Variants in RGMA observed in about 807,000 individuals in gnomAD.
RGMA encodes the protein repulsive guidance molecule BMP co-receptor a, also known as repulsive guidance molecule A.
RGMA carries 10 observed loss-of-function variants against 23.2 expected under a neutral mutation model. That is an observed-to-expected ratio of 0.43 (90% CI 0.27 to 0.73). The LOEUF is 0.73. Ranked by LOEUF, RGMA falls within the 30% of genes least tolerant of loss-of-function variation. RGMA has a pLI of 0.20. For missense variants in RGMA, 547 were observed against 630.5 expected, an observed-to-expected ratio of 0.87 and a Z score of 1.42; for synonymous variants, 308 against 279.3, an observed-to-expected ratio of 1.10 and a Z score of -1.03.
Position 93,044,581 on chromosome 15 carries a change from C to T in RGMA, c.*417G>A, listed in dbSNP as rs534561115. The T allele has an allele frequency of 3.7e-4, 92 of 248,442 alleles. No homozygotes were observed. Among genetic ancestry groups the T allele is most frequent in the East Asian group, 6.0e-4 (6 of 9,944 alleles). 15.4% of individuals were successfully genotyped at this position (248,442 alleles called of 1,614,324 possible). A position where few individuals can be genotyped will look rare whatever the true frequency, so the allele number is the denominator to read the frequency against. On this transcript the variant is annotated 3_prime_UTR_variant, in exon 4 of 4. Transcript: ENST00000329082. ...GCTCTCGTGTAAGAGTGTGTGCGTGCGTGTGGCGGGCACAGGGGGCCCCAC... is the reference window on the plus strand; with the variant it reads ...GCTCTCGTGTAAGAGTGTGTGCGTGTGTGTGGCGGGCACAGGGGGCCCCAC...
chr15:93,052,729 G>T (rs550761417), intron 2 of RGMA, among the ~76,000 whole-genome samples: 30 of 150,840 alleles, frequency 2.0e-4, no homozygotes, highest in African/African-American at 7.2e-4. Flanking sequence ...CCAGCAGGCT[G>T]AAAGGGCTAG....
At position 93,073,606 on chromosome 15, in the gene RGMA, CT is replaced by C; in HGVS notation, c.15-576del. 2.6e-6 allele frequency: 4 copies of C among 1,536,892 alleles called. 1 individual carries two copies. In the South Asian group the frequency reaches 3.6e-5, roughly 14 times the overall value. On this transcript the variant is annotated intron_variant, in intron 1 of 3. Transcript: ENST00000329082. The stretch of plus-strand genomic sequence containing the variant: ...GACCCCAAGCTTCCACCGACGCCCC[CT>C]GGCTCATCAGTCGCACTCAGACGCG...
intron 1 of RGMA, among the ~76,000 whole-genome samples, chr15:93,084,476 T>G (rs1895606647): frequency 1.3e-5 from 2 of 151,882 alleles, no homozygotes; most frequent in Admixed American, 1.3e-4. Context: ...GTTTTTTTGT[T>G]TTTTGTTTTT....
intron 2 of RGMA, among the ~76,000 whole-genome samples, chr15:93,054,588 T>A (rs2054983133): frequency 6.6e-6 from 1 of 152,222 alleles, no homozygotes; most frequent in Non-Finnish European, 1.5e-5. Context: ...CTTTGCCTTC[T>A]GTCATGATTG....
chr15:93,076,371 T>TA (rs1895473344), intron 1 of RGMA, among the ~76,000 whole-genome samples: 1 of 152,164 alleles, frequency 6.6e-6, no homozygotes, highest in African/African-American at 2.4e-5. Flanking sequence ...GGGGCAGTGA[T>TA]AGTCAGGGGT....
At chr15:93,068,960 G>A (rs764280977) in intron 2 of RGMA, among the ~76,000 whole-genome samples, 6 of 152,174 alleles carry the variant, frequency 3.9e-5, no homozygotes, top group Non-Finnish European at 8.8e-5. Flanking sequence ...CTTCAGAACT[G>A]TGAGCAATAA....
chr15:93,083,517 C>A (rs1358747184), intron 1 of RGMA, among the ~76,000 whole-genome samples: 1 of 152,024 alleles, frequency 6.6e-6, no homozygotes, highest in Non-Finnish European at 1.5e-5. Context: ...TTAGCAGAGA[C>A]CGGGTTTCAC....
At chr15:93,069,656 C>T (rs1285397997) in intron 2 of RGMA, among the ~76,000 whole-genome samples, 1 of 152,220 alleles carries the variant, frequency 6.6e-6, no homozygotes, top group Non-Finnish European at 1.5e-5. Flanking sequence ...CTCTGGAGGG[C>T]CTGCTCTAGA....
At position 93,045,712 on chromosome 15, in the gene RGMA, G is replaced by C; in HGVS notation, c.646-7C>G. ...TCTTGAAGATGATGGTGAGCTGCCG[G>C]GGAAAGGGGCAGAGGAGAGTGGGTG... On this transcript the variant is annotated splice_region_variant and splice_polypyrimidine_tract_variant and intron_variant, in intron 3 of 3. Transcript: ENST00000329082. This position sits in a 1 kb window ranked among gnomAD's most constrained non-coding sequence, Gnocchi z 6.9. The C allele has an allele frequency of 6.3e-7, 1 of 1,597,004 alleles. No individual in the cohort carries two copies. The highest frequency in any genetic ancestry group is 8.5e-7 in the Non-Finnish European group (1 of 1,176,454).
chr15:93,073,751 A>G (rs1344107248), intron 1 of RGMA: 2 of 1,536,844 alleles, frequency 1.3e-6, no homozygotes, highest in African/African-American at 2.7e-5. Context: ...GCCCCAGGCC[A>G]CCCATCCTGA....
At chr15:93,072,843 C>T (rs1269287521) in intron 2 of RGMA, 73 bp downstream of exon 2, 2 of 1,511,192 alleles carry the variant, frequency 1.3e-6, no homozygotes, top group East Asian at 2.5e-5. Context: ...CGGACTCACT[C>T]GCGCACATCT....
Position 93,066,322 on chromosome 15 carries a change from C to T in RGMA, c.130+6594G>A, listed in dbSNP as rs188853349. Reference sequence around the variant, plus strand: ...TGGATGAATCCGTAACCATTCCGGACGTTGAACCATTTGACAGTGCCCAGG... The same window carrying T: ...TGGATGAATCCGTAACCATTCCGGATGTTGAACCATTTGACAGTGCCCAGG... On this transcript the variant is annotated intron_variant, in intron 2 of 3. Transcript: ENST00000329082. The T allele has an allele frequency of 3.3e-4, 280 of 843,946 alleles. 3 individuals are homozygous for T. Among genetic ancestry groups the T allele is most frequent in the African/African-American group, 2.9e-3 (174 of 60,270 alleles). 52.3% of individuals were successfully genotyped at this position (843,946 alleles called of 1,614,324 possible). A position where few individuals can be genotyped will look rare whatever the true frequency, so the allele number is the denominator to read the frequency against.
Position 93,045,483 on chromosome 15 carries a change from G to A in RGMA, c.868C>T (p.Leu290=), listed in dbSNP as rs770679217. 9 of 1,613,182 alleles carry A rather than the reference G, an allele frequency of 5.6e-6. No homozygotes were observed. The highest frequency in any genetic ancestry group is 1.6e-4 in the Middle Eastern group (1 of 6,084). ...TCTGGCATGCGGACGGCAAAGGTCA[G>A]GTAGCGGCCCACCTGGCGCACCACG... is the stretch of plus-strand genomic sequence containing the variant. ...TIVVRQVGRY[L]TFAVRMPEEV... The change falls in exon 4 of 4, where the codon CTG becomes TTG. Residue 290 remains leucine, a synonymous_variant. Transcript: ENST00000329082. This position sits in a 1 kb window ranked among gnomAD's most constrained non-coding sequence, Gnocchi z 6.9.
chr15:93,088,260 C>T (rs956877564), intron 1 of RGMA: 2 of 921,208 alleles, frequency 2.2e-6, no homozygotes, highest in African/African-American at 1.8e-5. Context: ...ATACACCTGT[C>T]CCCCATGCCC....
intron 2 of RGMA, among the ~76,000 whole-genome samples, chr15:93,056,240 T>C (rs1315379923): frequency 1.3e-5 from 2 of 152,042 alleles, no homozygotes; most frequent in Non-Finnish European, 2.9e-5. Context: ...GCCCGGAGTG[T>C]GTGAAGGCGA....
intron 2 of RGMA, among the ~76,000 whole-genome samples, chr15:93,070,203 C>G (rs1895279216): frequency 6.6e-6 from 1 of 152,206 alleles, no homozygotes; most frequent in South Asian, 2.1e-4. Context: ...TAAGTAAATG[C>G]AAACACTCGA....
At position 93,037,012 on chromosome 15, in the gene RGMA, A is replaced by G. The variant is rs1374056088; in HGVS notation, c.*7986T>C. 6.6e-6 allele frequency: 1 copy of G among 152,120 alleles called. No homozygotes were observed. The highest frequency in any genetic ancestry group is 1.5e-5 in the Non-Finnish European group (1 of 68,028). The allele number at this position is 152,120 out of a possible 1,614,324, so 9.4% of individuals were successfully genotyped here. On this transcript the variant is annotated 3_prime_UTR_variant, in exon 4 of 4. Coordinates refer to ENST00000329082, the MANE Select transcript of RGMA (RefSeq NM_020211.3). The surrounding 1 kb of genome is among the most constrained non-coding windows in gnomAD (Gnocchi z 4.3). ...TCACCATGCACGTGGACCAGAGCCCACTCCATGGCTGGGCGAGCTGGGCAG... is the reference window on the plus strand; with the variant it reads ...TCACCATGCACGTGGACCAGAGCCCGCTCCATGGCTGGGCGAGCTGGGCAG...
chr15:93,049,823 G>A (rs934616774), intron 3 of RGMA, among the ~76,000 whole-genome samples: 1 of 152,236 alleles, frequency 6.6e-6, no homozygotes, highest in Non-Finnish European at 1.5e-5. Context: ...GTCTCTGGCT[G>A]CCTGAGAGGG....
intron 2 of RGMA, among the ~76,000 whole-genome samples, chr15:93,054,325 G>A (rs1236978642): frequency 6.6e-6 from 1 of 152,060 alleles, no homozygotes; most frequent in Non-Finnish European, 1.5e-5. Flanking sequence ...GGTCAGGTTA[G>A]GTAAATGACA....
Sources: allele counts gnomAD v4.1 joint callset (sites outside exome capture counted in the v4.1 genomes callset), GRCh38; gene constraint gnomAD v4.1.1; non-coding constraint Gnocchi (gnomAD v3.1); transcripts MANE v1.5; gene names NCBI Gene and HGNC (gene_info 2026-07-23, HGNC 2026-07-21).